The following SIPA1L2 variants were observed in gnomAD, a reference collection of about 807,000 sequenced individuals.
The protein encoded by SIPA1L2 is signal-induced proliferation-associated 1-like protein 2.
In SIPA1L2, 56 loss-of-function variants were observed where a neutral mutation model predicts 163.9. The ratio of observed to expected loss-of-function variants is 0.34; its 90% CI spans 0.28 to 0.43. The LOEUF (loss-of-function observed/expected upper bound fraction) is 0.43, where lower values mean the gene tolerates loss of function less well. SIPA1L2 is among the 20% of genes least tolerant of loss of function. The probability of loss-of-function intolerance (pLI) is 1.00; values close to 1 mark genes in which losing one functional copy is unlikely to be tolerated. For missense variants in SIPA1L2, 1,974 were observed against 2,193.5 expected, an observed-to-expected ratio of 0.90 and a Z score of 2.00; for synonymous variants, 877 against 865.7, an observed-to-expected ratio of 1.01 and a Z score of -0.23.
intron 1 of SIPA1L2, among the ~76,000 whole-genome samples, chr1:232,618,184 A>AC (rs1160803836): frequency 2.0e-5 from 3 of 152,234 alleles, no homozygotes; most frequent in Non-Finnish European, 4.4e-5. Context: ...TTAAAGCAGA[A>AC]CGCAAATCTT....
At chr1:232,564,813 T>C (rs1659305868) in intron 2 of SIPA1L2, among the ~76,000 whole-genome samples, 1 of 152,058 alleles carries the variant, frequency 6.6e-6, no homozygotes, top group African/African-American at 2.4e-5. Context: ...ATAATAAGTG[T>C]ACACATGTTC....
chr1:232,398,117 CT>C lies in SIPA1L2; in HGVS notation c.*1009del, dbSNP rs1660129468. 6.6e-6 allele frequency: 1 copy of C among 152,668 alleles called. No individual in the cohort carries two copies. Among genetic ancestry groups the C allele is most frequent in the African/African-American group, 2.4e-5 (1 of 41,464 alleles). The allele number at this position is 152,668 out of a possible 1,614,324, so 9.5% of individuals were successfully genotyped here. A position where few individuals can be genotyped will look rare whatever the true frequency, so the allele number is the denominator to read the frequency against. On this transcript the variant is annotated 3_prime_UTR_variant, in exon 23 of 23. Transcript: ENST00000674635. ...CTCTCACCCTGCTTCTCGGTCTGATCTGTGCAAGCTCAGTCTCTTCTGAGCC... is the reference window on the plus strand; with the variant it reads ...CTCTCACCCTGCTTCTCGGTCTGATCGTGCAAGCTCAGTCTCTTCTGAGCC...
At chr1:232,461,215 G>T in intron 9 of SIPA1L2, 54 bp from the exon 10 acceptor site, 1 of 1,584,534 alleles carries the variant, frequency 6.3e-7, no homozygotes, top group Non-Finnish European at 8.6e-7. Flanking sequence ...CTGCCATGGG[G>T]CTCTGCCAAA....
At position 232,592,146 on chromosome 1, in the gene SIPA1L2, T is replaced by A. The variant is rs140519507; in HGVS notation, c.-318-17924A>T. ...TACCAGAGAAAAGAGAGGAAAAAAA[T>A]ATAAAGTTATCAATTCTTACACACA... On this transcript the variant is annotated intron_variant, in intron 1 of 22. Transcript: ENST00000674635. Among the ~76,000 whole-genome samples the A allele has an allele frequency of 2.8e-3, 420 of 151,830 alleles. 7 individuals are homozygous for A. Among genetic ancestry groups the A allele is most frequent in the African/African-American group, 9.9e-3 (411 of 41,364 alleles).
chr1:232,525,062 T>C (rs1017489135), intron 2 of SIPA1L2, among the ~76,000 whole-genome samples: 2 of 152,088 alleles, frequency 1.3e-5, no homozygotes, highest in Non-Finnish European at 2.9e-5. Context: ...TGTTAGCTGC[T>C]GCTTCTCCCT....
intron 14 of SIPA1L2, 58 bp downstream of exon 14, chr1:232,441,233 T>C (rs1364749422): frequency 7.5e-7 from 1 of 1,333,386 alleles, no homozygotes; most frequent in East Asian, 2.4e-5. Context: ...TACCACTGTG[T>C]GCTGAGACAG....
chr1:232,620,442 G>C (rs1312501764), intron 1 of SIPA1L2, among the ~76,000 whole-genome samples: 2 of 152,200 alleles, frequency 1.3e-5, no homozygotes, highest in Admixed American at 1.3e-4. Flanking sequence ...AGCGTAGTAA[G>C]ATGAAAGCAG....
chr1:232,546,074 T>C (rs149477649), intron 2 of SIPA1L2, among the ~76,000 whole-genome samples: 170 of 152,354 alleles, frequency 1.1e-3, no homozygotes, highest in African/African-American at 3.7e-3. Flanking sequence ...CATTTTAATC[T>C]TCTAGTACAC....
chr1:232,581,213 C>T (rs1660353409), intron 1 of SIPA1L2, among the ~76,000 whole-genome samples: 1 of 152,194 alleles, frequency 6.6e-6, no homozygotes, highest in Admixed American at 6.5e-5. Context: ...GTCATGCTGT[C>T]CCCTGAGCTG....
At chr1:232,569,728 G>A (rs1428679394) in intron 2 of SIPA1L2, among the ~76,000 whole-genome samples, 2 of 152,180 alleles carry the variant, frequency 1.3e-5, no homozygotes, top group East Asian at 1.9e-4. Context: ...CAGGAGAACC[G>A]CTTGAACCCA....
rs771568702 is a variant in SIPA1L2, at chr1:232,514,841, T to C, written c.499A>G (p.Ser167Gly). 1 of 1,614,198 alleles carries C rather than the reference T, an allele frequency of 6.2e-7. No individual in the cohort carries two copies. The highest frequency in any genetic ancestry group is 1.1e-5 in the South Asian group (1 of 91,078). The change falls in exon 3 of 23, where the codon AGT becomes GGT. Residue 167 changes from serine (S) to glycine (G), a missense_variant. Transcript: ENST00000674635. ...AAGACATCTTCGGCATCAATGTCAC[T>C]GATAGTGACATCACTATTGCTCCTC... ...RQRSNSDVTI[S>G]DIDAEDVLDQ... is the part of the protein sequence containing the mutation.
chr1:232,432,612 T>C, intron 15 of SIPA1L2, 141 bp from the exon 16 acceptor site: 2 of 711,094 alleles, frequency 2.8e-6, no homozygotes, highest in East Asian at 5.4e-5. Context: ...TGGAGCCTTC[T>C]TTCTACCATG....
Position 232,514,241 on chromosome 1 carries a change from T to A in SIPA1L2, c.1099A>T (p.Thr367Ser). 1 of 1,614,206 alleles carries A rather than the reference T, an allele frequency of 6.2e-7. No homozygotes were observed. The highest frequency in any genetic ancestry group is 1.7e-5 in the Admixed American group (1 of 60,026). Reference sequence around the variant, plus strand: ...CCTGTCTGGCCCGTAGGCATCTGAGTCTGGGATGCTGCAGATGCCCCAGTG... The same window carrying A: ...CCTGTCTGGCCCGTAGGCATCTGAGACTGGGATGCTGCAGATGCCCCAGTG... Reference protein sequence around the residue: ...ITTGASAASQTQMPTGQTGNC... With the variant: ...ITTGASAASQSQMPTGQTGNC... Residue 367 changes from threonine to serine, a missense_variant, in exon 3 of 23, where the codon ACT (threonine) becomes TCT (serine). Coordinates refer to ENST00000674635, the MANE Select transcript of SIPA1L2 (RefSeq NM_020808.5).
intron 5 of SIPA1L2, among the ~76,000 whole-genome samples, chr1:232,485,867 T>C (rs1665620907): frequency 6.6e-6 from 1 of 152,188 alleles, no homozygotes; most frequent in South Asian, 2.1e-4. Context: ...CTCCAGTGCC[T>C]GTGCATCTCA....
chr1:232,544,130 T>C (rs911798442), intron 2 of SIPA1L2, among the ~76,000 whole-genome samples: 1 of 149,142 alleles, frequency 6.7e-6, no homozygotes, highest in Non-Finnish European at 1.5e-5. Context: ...AAACCTTCTT[T>C]TTTTTTTTTA....
intron 5 of SIPA1L2, among the ~76,000 whole-genome samples, chr1:232,484,441 A>G (rs1665543393): frequency 6.6e-6 from 1 of 152,192 alleles, no homozygotes; most frequent in Non-Finnish European, 1.5e-5. Flanking sequence ...GTAAGACTAT[A>G]AGGAAAAAAC....
intron 1 of SIPA1L2, among the ~76,000 whole-genome samples, chr1:232,578,108 C>A (rs1292914768): frequency 6.6e-6 from 1 of 152,172 alleles, no homozygotes; most frequent in Non-Finnish European, 1.5e-5. Flanking sequence ...TCTCCACCCG[C>A]AAAAAGACTG....
intron 1 of SIPA1L2, among the ~76,000 whole-genome samples, chr1:232,585,863 TC>T (rs1482977204): frequency 6.6e-6 from 1 of 152,032 alleles, no homozygotes; most frequent in Admixed American, 6.5e-5. Context: ...TTGCAAACAC[TC>T]CAAAAATGCT....
At chr1:232,399,368 C>T (rs1287170974) in intron 22 of SIPA1L2, 95 bp from the exon 23 acceptor site, 1 of 1,382,482 alleles carries the variant, frequency 7.2e-7, no homozygotes, top group Non-Finnish European at 9.8e-7. Flanking sequence ...CTTATTTTTA[C>T]TTATGTACTT....
Sources: allele counts gnomAD v4.1 joint callset (sites outside exome capture counted in the v4.1 genomes callset), GRCh38; gene constraint gnomAD v4.1.1; transcripts MANE v1.5; gene names NCBI Gene and HGNC (gene_info 2026-07-23, HGNC 2026-07-21).